Variants in AFG2A observed in about 807,000 individuals in gnomAD.
AFG2A encodes AAA ATPase AFG2A.
At chr4:123,242,999 C>G in the AFG2A span, among the ~76,000 whole-genome samples, 10 of 152,162 alleles carry the variant, frequency 6.6e-5, no homozygotes, top group African/African-American at 9.7e-5. Context: ...TGAAAAAATG[C>G]TCATCATCAC....
chr4:122,990,567 T>A, the AFG2A span, among the ~76,000 whole-genome samples: 1 of 152,120 alleles, frequency 6.6e-6, no homozygotes, highest in African/African-American at 2.4e-5. Context: ...CAATGTGGAA[T>A]GATAAGGATT....
At chr4:122,945,978 A>G in the AFG2A span, among the ~76,000 whole-genome samples, 1 of 151,976 alleles carries the variant, frequency 6.6e-6, no homozygotes, top group East Asian at 1.9e-4. Flanking sequence ...AGTACCTAGG[A>G]GTGATTTTCA....
the AFG2A span, among the ~76,000 whole-genome samples, chr4:123,208,285 T>G: frequency 6.6e-6 from 1 of 152,180 alleles, no homozygotes; most frequent in Non-Finnish European, 1.5e-5. Flanking sequence ...ATATAAAAGT[T>G]AACTCCAAAT....
chr4:123,028,177 A>G, the AFG2A span: 11 of 1,606,476 alleles, frequency 6.8e-6, no homozygotes, highest in East Asian at 2.2e-5. Flanking sequence ...AAAATGTTCT[A>G]TTTTTCAGGT....
chr4:123,016,647 C>T, the AFG2A span, among the ~76,000 whole-genome samples: 1 of 145,024 alleles, frequency 6.9e-6, no homozygotes, highest in African/African-American at 2.6e-5. Context: ...ACTGGGTAGC[C>T]AGGCAGAGGG....
At chr4:123,196,533 A>AT in the AFG2A span, among the ~76,000 whole-genome samples, 211 of 150,504 alleles carry the variant, frequency 1.4e-3, no homozygotes, top group African/African-American at 4.2e-3. Context: ...CACACAAAAC[A>AT]TTTTTTTTTT....
At chr4:123,191,520 G>A in the AFG2A span, among the ~76,000 whole-genome samples, 1 of 152,032 alleles carries the variant, frequency 6.6e-6, no homozygotes, top group Admixed American at 6.6e-5. Context: ...TAAGTATTAG[G>A]AAATTCTTGT....
the AFG2A span, among the ~76,000 whole-genome samples, chr4:123,007,839 G>T: frequency 6.6e-6 from 1 of 151,708 alleles, no homozygotes; most frequent in South Asian, 2.1e-4. Context: ...GCTGTGACCT[G>T]TGAACTTTTT....
chr4:123,035,601 A>G, the AFG2A span, among the ~76,000 whole-genome samples: 1 of 152,162 alleles, frequency 6.6e-6, no homozygotes, highest in African/African-American at 2.4e-5. Context: ...AAGTTAGATC[A>G]GATTTACTTA....
chr4:123,208,163 C>T, the AFG2A span, among the ~76,000 whole-genome samples: 1 of 152,156 alleles, frequency 6.6e-6, no homozygotes, highest in Non-Finnish European at 1.5e-5. Context: ...CGAATATCCA[C>T]AAGGATACTA....
the AFG2A span, among the ~76,000 whole-genome samples, chr4:123,286,991 G>C: frequency 6.6e-6 from 1 of 152,048 alleles, no homozygotes; most frequent in Non-Finnish European, 1.5e-5. Context: ...GTTTTGCAGG[G>C]CTCGGTATTT....
the AFG2A span, among the ~76,000 whole-genome samples, chr4:122,980,109 G>A: frequency 6.6e-6 from 1 of 152,060 alleles, no homozygotes; most frequent in African/African-American, 2.4e-5. Flanking sequence ...CCCTCATGTT[G>A]TCTTTTATAA....
the AFG2A span, among the ~76,000 whole-genome samples, chr4:123,091,324 A>G: frequency 2.7e-3 from 405 of 152,338 alleles, 4 homozygotes; most frequent in African/African-American, 9.3e-3. Context: ...GAAGAGAACA[A>G]AGGAAAGCTT....
the AFG2A span, among the ~76,000 whole-genome samples, chr4:123,209,289 T>A: frequency 2.0e-5 from 3 of 152,238 alleles, no homozygotes; most frequent in East Asian, 5.8e-4. Flanking sequence ...AGAACTGAAT[T>A]GGAGGACACC....
chr4:123,170,234 T>A, the AFG2A span, among the ~76,000 whole-genome samples: 1 of 152,342 alleles, frequency 6.6e-6, no homozygotes, highest in East Asian at 1.9e-4. Flanking sequence ...TAGTAAGTCT[T>A]CTGGCATTCT....
At chr4:122,964,339 A>G in the AFG2A span, among the ~76,000 whole-genome samples, 1 of 151,940 alleles carries the variant, frequency 6.6e-6, no homozygotes, top group Non-Finnish European at 1.5e-5. Flanking sequence ...CCCCGTCTCT[A>G]CTAAAAATGC....
chr4:123,015,652 C>T, the AFG2A span, among the ~76,000 whole-genome samples: 1 of 151,168 alleles, frequency 6.6e-6, no homozygotes, highest in African/African-American at 2.4e-5. Flanking sequence ...CTTTCTGTTC[C>T]ACAAAACCGC....
chr4:123,023,323 C>G, the AFG2A span, among the ~76,000 whole-genome samples: 1 of 152,062 alleles, frequency 6.6e-6, no homozygotes, highest in South Asian at 2.1e-4. Flanking sequence ...ACACAATATA[C>G]TTGTGTAACA....
chr4:123,126,990 G>T, the AFG2A span, among the ~76,000 whole-genome samples: 277 of 152,250 alleles, frequency 1.8e-3, no homozygotes, highest in African/African-American at 6.3e-3. Flanking sequence ...GGAGCCTGGG[G>T]CAGGAGGATC....
Sources: allele counts gnomAD v4.1 joint callset (sites outside exome capture counted in the v4.1 genomes callset), GRCh38; gene constraint gnomAD v4.1.1; transcripts MANE v1.5; gene names NCBI Gene and HGNC (gene_info 2026-07-23, HGNC 2026-07-21).